Variants in GRID1 observed in about 807,000 individuals in gnomAD.
GRID1 encodes glutamate receptor ionotropic, delta-1.
A neutral mutation model predicts 98.0 loss-of-function variants in GRID1; 28 were observed. The observed-to-expected ratio is 0.29, with a 90% CI of 0.21 to 0.39. The LOEUF is 0.39. GRID1 is among the 10% of genes least tolerant of loss of function. The probability of loss-of-function intolerance (pLI) is 1.00; values close to 1 mark genes in which losing one functional copy is unlikely to be tolerated. For missense variants in GRID1, 1,111 were observed against 1,340.5 expected, an observed-to-expected ratio of 0.83 and a Z score of 2.67; for synonymous variants, 553 against 538.5, an observed-to-expected ratio of 1.03 and a Z score of -0.37.
chr10:85,826,033 T>C (rs1277194328), intron 8 of GRID1, among the ~76,000 whole-genome samples: 1 of 152,088 alleles, frequency 6.6e-6, no homozygotes, highest in Non-Finnish European at 1.5e-5. Context: ...AGTAGATAAA[T>C]ACCCGCAATC....
Position 85,645,545 on chromosome 10 carries a change from T to C in GRID1, c.2193+1657A>G, listed in dbSNP as rs549670572. The stretch of plus-strand genomic sequence containing the variant: ...GTTAAATCTAAACATTCAAAATTTA[T>C]CATGATATGTATTTTCAGATCATTT... On this transcript the variant is annotated intron_variant, in intron 13 of 15. Transcript: ENST00000327946. 15 of 152,340 alleles carry C rather than the reference T, an allele frequency of 9.8e-5. No individual in the cohort carries two copies. The East Asian group carries it at 2.3e-3, about 23-fold the overall frequency. The allele number at this position is 152,340 out of a possible 1,614,324, so 9.4% of individuals were successfully genotyped here.
intron 5 of GRID1, among the ~76,000 whole-genome samples, chr10:85,901,816 T>A (rs1307302589): frequency 6.6e-6 from 1 of 152,166 alleles, no homozygotes; most frequent in Non-Finnish European, 1.5e-5. Context: ...AAACACCGTC[T>A]CCACAGGGCT....
chr10:85,619,539 T>C (rs185791456), intron 14 of GRID1, among the ~76,000 whole-genome samples: 1 of 152,170 alleles, frequency 6.6e-6, no homozygotes, highest in African/African-American at 2.4e-5. Flanking sequence ...TTCTCCCAGA[T>C]ATCCTGGGTC....
intron 8 of GRID1, among the ~76,000 whole-genome samples, chr10:85,784,227 A>G (rs1249867813): frequency 2.0e-5 from 3 of 152,214 alleles, no homozygotes; most frequent in Non-Finnish European, 4.4e-5. Context: ...AGCATGCCAG[A>G]TGTAAATTAA....
intron 8 of GRID1, among the ~76,000 whole-genome samples, chr10:85,789,939 G>T (rs867085153): frequency 6.6e-6 from 1 of 152,312 alleles, no homozygotes; most frequent in Middle Eastern, 3.4e-3. Flanking sequence ...TGCAGTGGCA[G>T]CACCCGCCCT....
chr10:86,100,811 GGTAGC>G (rs1191665839), intron 4 of GRID1, among the ~76,000 whole-genome samples: 1 of 152,148 alleles, frequency 6.6e-6, no homozygotes, highest in African/African-American at 2.4e-5. Context: ...GTGTCTCTTG[GGTAGC>G]TGCTGCTCTT....
At chr10:86,117,712 G>T (rs994034787) in intron 4 of GRID1, among the ~76,000 whole-genome samples, 1 of 152,220 alleles carries the variant, frequency 6.6e-6, no homozygotes, top group African/African-American at 2.4e-5. Context: ...ATGGAAAGAT[G>T]CTCAACATCA....
intron 2 of GRID1, among the ~76,000 whole-genome samples, chr10:86,268,599 T>C (rs111761937): frequency 0.013 from 1,916 of 152,348 alleles, 52 homozygotes; most frequent in African/African-American, 0.044. Flanking sequence ...CAACACCATT[T>C]GCTGGCTTTC....
intron 4 of GRID1, among the ~76,000 whole-genome samples, chr10:86,084,412 A>G (rs971018857): frequency 6.6e-6 from 1 of 152,188 alleles, no homozygotes; most frequent in Non-Finnish European, 1.5e-5. Flanking sequence ...TGGAACCCTT[A>G]TGCACTATTG....
At chr10:85,764,568 C>T (rs1053466511) in intron 8 of GRID1, among the ~76,000 whole-genome samples, 1 of 152,134 alleles carries the variant, frequency 6.6e-6, no homozygotes, top group Non-Finnish European at 1.5e-5. Flanking sequence ...CAATACAGGG[C>T]CCAGGAAATG....
At chr10:85,711,695 A>C (rs1382405705) in intron 12 of GRID1, among the ~76,000 whole-genome samples, 1 of 151,888 alleles carries the variant, frequency 6.6e-6, no homozygotes, top group African/African-American at 2.4e-5. Flanking sequence ...ATCTTCTAAT[A>C]CCTAAAGTTG....
intron 2 of GRID1, among the ~76,000 whole-genome samples, chr10:86,276,665 G>C (rs1299048989): frequency 1.3e-5 from 2 of 151,940 alleles, no homozygotes; most frequent in African/African-American, 2.4e-5. Flanking sequence ...AATTTTTGTA[G>C]TTTTAGTAGA....
intron 2 of GRID1, among the ~76,000 whole-genome samples, chr10:86,244,375 C>T (rs1173134495): frequency 6.6e-6 from 1 of 152,234 alleles, no homozygotes; most frequent in African/African-American, 2.4e-5. Context: ...AGGCCCCAGG[C>T]AGGCGCCAGA....
intron 8 of GRID1, 39 bp downstream of exon 8, chr10:85,854,457 A>C: frequency 6.2e-7 from 1 of 1,607,478 alleles, no homozygotes; most frequent in Middle Eastern, 1.7e-4. Flanking sequence ...TGGTGGCACC[A>C]TAGCAGGAAG....
intron 6 of GRID1, 120 bp downstream of exon 6, chr10:85,868,890 T>C (rs913875834): frequency 5.3e-5 from 42 of 791,280 alleles, no homozygotes; most frequent in Non-Finnish European, 8.2e-5. Flanking sequence ...TTTCAACAAA[T>C]GACAGAGCTC....
At chr10:86,135,253 C>T (rs1844905616) in intron 4 of GRID1, among the ~76,000 whole-genome samples, 1 of 152,186 alleles carries the variant, frequency 6.6e-6, no homozygotes, top group Non-Finnish European at 1.5e-5. Flanking sequence ...CAAGGCCCAA[C>T]TAGGATCCAA....
intron 4 of GRID1, among the ~76,000 whole-genome samples, chr10:85,979,344 A>C (rs1405082515): frequency 6.6e-6 from 1 of 152,152 alleles, no homozygotes; most frequent in African/African-American, 2.4e-5. Context: ...GGGTGTGTTC[A>C]TTTGCTAGGG....
intron 2 of GRID1, among the ~76,000 whole-genome samples, chr10:86,307,459 A>G (rs1436980806): frequency 1.3e-5 from 2 of 152,202 alleles, no homozygotes; most frequent in African/African-American, 2.4e-5. Context: ...ATACTGCACA[A>G]TCTCACTTAT....
At chr10:85,609,313 T>C (rs1259258372) in intron 15 of GRID1, among the ~76,000 whole-genome samples, 2 of 152,204 alleles carry the variant, frequency 1.3e-5, no homozygotes, top group African/African-American at 4.8e-5. Context: ...TATTCCTCAT[T>C]GCCTAGCCCA....
Sources: gnomAD v4.1 joint callset for allele counts (sites outside exome capture counted in the v4.1 genomes callset) on GRCh38, gnomAD v4.1.1 for gene constraint, MANE v1.5 for transcripts, NCBI Gene and HGNC (gene_info 2026-07-23, HGNC 2026-07-21) for gene names.